The following NRG3 variants were observed in gnomAD, a reference collection of about 807,000 sequenced individuals.
NRG3 encodes the protein pro-neuregulin-3, membrane-bound isoform.
A neutral mutation model predicts 66.9 loss-of-function variants in NRG3; 31 were observed. That is an observed-to-expected ratio of 0.46 (90% confidence interval 0.35 to 0.63). The LOEUF (loss-of-function observed/expected upper bound fraction) is 0.63, where lower values mean the gene tolerates loss of function less well. NRG3 is among the 20% of genes least tolerant of loss of function. The probability of loss-of-function intolerance (pLI) is 0.00; values close to 1 mark genes in which losing one functional copy is unlikely to be tolerated. For missense variants in NRG3, 910 were observed against 878.9 expected (o/e 1.04, Z -0.45); for synonymous variants, 393 against 359.4 (o/e 1.09, Z -1.06).
intron 8 of NRG3, among the ~76,000 whole-genome samples, chr10:82,983,716 T>G (rs922780960): frequency 6.6e-6 from 1 of 152,250 alleles, no homozygotes; most frequent in African/African-American, 2.4e-5. Flanking sequence ...TTACAAGCAC[T>G]GTACAGATGT....
chr10:82,473,542 A>G (rs1384649240), intron 2 of NRG3, among the ~76,000 whole-genome samples: 2 of 152,214 alleles, frequency 1.3e-5, no homozygotes, highest in East Asian at 3.9e-4. Context: ...GGAAATTGGC[A>G]AAGGTATACA....
intron 1 of NRG3, among the ~76,000 whole-genome samples, chr10:82,132,491 TGATATATATATATC>T (rs1242969190): frequency 2.5e-4 from 6 of 24,346 alleles, no homozygotes; most frequent in South Asian, 1.1e-3. Flanking sequence ...TATATATATA[TGATATATATATATC>T]ATATATATAT....
intron 2 of NRG3, among the ~76,000 whole-genome samples, chr10:82,376,623 G>T (rs2085255449): frequency 6.6e-6 from 1 of 152,110 alleles, no homozygotes; most frequent in Admixed American, 6.5e-5. Flanking sequence ...TGCTCCCCAA[G>T]CACCAATGCT....
At position 81,958,652 on chromosome 10, in the gene NRG3, C is replaced by T. The variant is rs539357714; in HGVS notation, c.823+82489C>T. On this transcript the variant is annotated intron_variant, in intron 1 of 8. Transcript: ENST00000372141. ...GCATGGTGGCTCATGCCTGTAATCC[C>T]GCCGAGGTGGGTGGATCACCTGAGG... Among the ~76,000 whole-genome samples the T allele has an allele frequency of 7.2e-5, 11 of 152,048 alleles. No individual in the cohort carries two copies. The South Asian group carries it at 1.4e-3, about 20-fold the overall frequency.
At chr10:82,479,118 T>C (rs1438522160) in intron 2 of NRG3, among the ~76,000 whole-genome samples, 1 of 152,120 alleles carries the variant, frequency 6.6e-6, no homozygotes, top group Non-Finnish European at 1.5e-5. Flanking sequence ...TAGGAGGTGA[T>C]GTGACAGTGG....
chr10:82,979,699 G>C (rs77753359), intron 8 of NRG3, among the ~76,000 whole-genome samples: 13 of 152,230 alleles, frequency 8.5e-5, no homozygotes, highest in African/African-American at 3.1e-4. Flanking sequence ...CCCTTCCTCT[G>C]GTGGACACAG....
intron 2 of NRG3, among the ~76,000 whole-genome samples, chr10:82,527,393 A>G (rs189316490): frequency 5.9e-5 from 9 of 152,304 alleles, no homozygotes; most frequent in Admixed American, 1.3e-4. Flanking sequence ...AATGTGCATT[A>G]CAATGGTAAA....
chr10:82,150,528 C>CAAAAAAAAAAAAAAAAA (rs1264827514), intron 1 of NRG3, among the ~76,000 whole-genome samples: 2 of 51,726 alleles, frequency 3.9e-5, no homozygotes, highest in Non-Finnish European at 7.2e-5. Context: ...AAAGAGCACA[C>CAAAAAAAAAAAAAAAAA]ACAAAAAAAA....
At chr10:82,473,278 C>T (rs564757255) in intron 2 of NRG3, among the ~76,000 whole-genome samples, 4 of 152,238 alleles carry the variant, frequency 2.6e-5, no homozygotes, top group Non-Finnish European at 4.4e-5. Context: ...GCTCTTTGCC[C>T]TTTAGAAATT....
chr10:81,896,697 T>C (rs1277987007), intron 1 of NRG3, among the ~76,000 whole-genome samples: 1 of 151,508 alleles, frequency 6.6e-6, no homozygotes, highest in Non-Finnish European at 1.5e-5. Flanking sequence ...GATTGTATGA[T>C]AAAAAATGTT....
intron 1 of NRG3, among the ~76,000 whole-genome samples, chr10:82,260,504 G>A (rs898810812): frequency 1.3e-5 from 2 of 152,158 alleles, no homozygotes; most frequent in East Asian, 3.9e-4. Context: ...ACAATGACAG[G>A]TTGGGTAAAG....
intron 2 of NRG3, among the ~76,000 whole-genome samples, chr10:82,452,511 G>A (rs1007153306): frequency 6.6e-6 from 1 of 151,972 alleles, no homozygotes; most frequent in Non-Finnish European, 1.5e-5. Context: ...TTTTGTTTTT[G>A]CTGTGGTATA....
intron 2 of NRG3, among the ~76,000 whole-genome samples, chr10:82,603,001 A>T (rs1157815711): frequency 6.6e-6 from 1 of 152,198 alleles, no homozygotes; most frequent in Non-Finnish European, 1.5e-5. Flanking sequence ...TAAGAAGTAG[A>T]AGGGCAGTCA....
rs947367592 is a variant in NRG3 at position 81,876,131 on chromosome 10, C to G, written c.791C>G (p.Thr264Ser). Residue 264 changes from threonine to serine, a missense_variant, in exon 1 of 9, where the codon ACC (threonine) becomes AGC (serine). Transcript: ENST00000372141. ...TCTTCTTCCTCCTCCGCTACCACCA[C>G]CACACCAGAAACTAGCACCAGCCCC... ...SSSSSSSATT[T>S]TPETSTSPKF... is the part of the protein sequence containing the mutation. 1.2e-6 allele frequency: 2 copies of G among 1,603,150 alleles called. No individual in the cohort carries two copies. Among genetic ancestry groups the G allele is most frequent in the East Asian group, 2.3e-5 (1 of 44,392 alleles).
chr10:82,539,209 G>A (rs117606852), intron 2 of NRG3, among the ~76,000 whole-genome samples: 198 of 152,292 alleles, frequency 1.3e-3, no homozygotes, highest in Non-Finnish European at 2.4e-3. Flanking sequence ...AAACACTCCC[G>A]GTAATGAAGA....
rs185354396 is a variant in NRG3, at chr10:82,066,524, T to C, written c.823+190361T>C. Among the ~76,000 whole-genome samples the C allele has an allele frequency of 9.2e-5, 14 of 152,282 alleles. No individual in the cohort carries two copies. In the East Asian group the frequency reaches 2.7e-3, roughly 29 times the overall value. On this transcript the variant is annotated intron_variant, in intron 1 of 8. Transcript: ENST00000372141. ...GCAAGGGACCCTCATTTTGGTATCC[T>C]ATTTGGGGGCCTCTGCAATATGTGC... is the stretch of plus-strand genomic sequence containing the variant.
chr10:82,224,831 G>A (rs1191066151), intron 1 of NRG3, among the ~76,000 whole-genome samples: 1 of 151,484 alleles, frequency 6.6e-6, no homozygotes, highest in African/African-American at 2.4e-5. Context: ...TAGGAAAGAG[G>A]GTTTCTTTTT....
chr10:82,167,567 A>G (rs1448530475), intron 1 of NRG3, among the ~76,000 whole-genome samples: 1 of 152,026 alleles, frequency 6.6e-6, no homozygotes, highest in Admixed American at 6.6e-5. Context: ...CATTATTATT[A>G]CTTATTATAT....
intron 2 of NRG3, among the ~76,000 whole-genome samples, chr10:82,480,164 A>G (rs1041528658): frequency 6.6e-6 from 1 of 152,230 alleles, no homozygotes; most frequent in Non-Finnish European, 1.5e-5. Context: ...TTTAATTAGG[A>G]CACAAAGTAG....
Sources: gnomAD v4.1 joint callset for allele counts (sites outside exome capture counted in the v4.1 genomes callset) on GRCh38, gnomAD v4.1.1 for gene constraint, MANE v1.5 for transcripts, NCBI Gene and HGNC (gene_info 2026-07-23, HGNC 2026-07-21) for gene names.